The following MSRA variants were observed in gnomAD, a reference collection of about 807,000 sequenced individuals.
MSRA encodes the protein methionine sulfoxide reductase A, also known as mitochondrial peptide methionine sulfoxide reductase.
In MSRA, 54 loss-of-function variants were observed where a neutral mutation model predicts 31.3. The observed-to-expected ratio is 1.73, with a 90% CI of 1.39 to 2.17. The LOEUF is 2.17. MSRA is among the 30% of genes most tolerant of loss of function. The probability of loss-of-function intolerance (pLI) is 0.00; values close to 1 mark genes in which losing one functional copy is unlikely to be tolerated. For synonymous variants in MSRA, 169 were observed against 116.5 expected, an observed-to-expected ratio of 1.45 and a Z score of -2.90; for missense variants, 507 against 300.9, an observed-to-expected ratio of 1.69 and a Z score of -5.07.
At chr8:10,154,209 C>G (rs1188763962) in intron 1 of MSRA, among the ~76,000 whole-genome samples, 2 of 152,200 alleles carry the variant, frequency 1.3e-5, no homozygotes, top group African/African-American at 4.8e-5. Flanking sequence ...GTGTGGTGGA[C>G]ACGCGTGCTT....
intron 1 of MSRA, among the ~76,000 whole-genome samples, chr8:10,188,580 G>C (rs949971187): frequency 6.6e-6 from 1 of 152,186 alleles, no homozygotes; most frequent in Admixed American, 6.5e-5. Context: ...GTTAATTGTC[G>C]TATAAGGTTT....
chr8:10,173,451 G>A (rs1409317944), intron 1 of MSRA, among the ~76,000 whole-genome samples: 1 of 152,228 alleles, frequency 6.6e-6, no homozygotes, highest in Non-Finnish European at 1.5e-5. Flanking sequence ...TCAATAGTTA[G>A]CCTCACCTTG....
intron 1 of MSRA, among the ~76,000 whole-genome samples, chr8:10,179,699 G>C (rs909649174): frequency 6.6e-6 from 1 of 152,214 alleles, no homozygotes; most frequent in African/African-American, 2.4e-5. Flanking sequence ...TTATGTTCCA[G>C]TTCCAAACCT....
chr8:10,144,271 G>A (rs1342935074), intron 1 of MSRA, among the ~76,000 whole-genome samples: 2 of 152,120 alleles, frequency 1.3e-5, no homozygotes, highest in African/African-American at 2.4e-5. Flanking sequence ...GTTAAGCCAT[G>A]CTTGTTAATA....
intron 3 of MSRA, among the ~76,000 whole-genome samples, chr8:10,266,823 C>A (rs945371054): frequency 1.1e-4 from 17 of 152,106 alleles, no homozygotes; most frequent in Non-Finnish European, 1.9e-4. Flanking sequence ...GGTCACTTTA[C>A]CCACCGATGG....
intron 3 of MSRA, among the ~76,000 whole-genome samples, chr8:10,269,793 A>G (rs557686909): frequency 1.3e-5 from 2 of 152,152 alleles, no homozygotes; most frequent in East Asian, 3.9e-4. Context: ...CTGGGACCAC[A>G]TGTGAGTGCC....
chr8:10,252,870 C>T lies in MSRA; in HGVS notation c.331+7647C>T, dbSNP rs552781932. Among the ~76,000 whole-genome samples, 38 of 152,274 alleles carry T rather than the reference C, an allele frequency of 2.5e-4. No homozygotes were observed. The South Asian group carries it at 2.9e-3, about 12-fold the overall frequency. ...ACCATCACATAGGTCCTTCATCCAC[C>T]GGTTCTAAAATTTGAGTGACTCTAT... On this transcript the variant is annotated intron_variant, in intron 3 of 5. Coordinates refer to ENST00000317173, the MANE Select transcript of MSRA (RefSeq NM_012331.5).
intron 3 of MSRA, among the ~76,000 whole-genome samples, chr8:10,259,087 A>G (rs1021458856): frequency 6.6e-6 from 1 of 150,870 alleles, no homozygotes. Context: ...AGCTTGGGTG[A>G]CAGAGACTCT....
At chr8:10,271,429 C>G (rs1288640328) in intron 3 of MSRA, among the ~76,000 whole-genome samples, 7 of 43,424 alleles carry the variant, frequency 1.6e-4, no homozygotes, top group Non-Finnish European at 3.3e-4. Flanking sequence ...GATGTGAGGA[C>G]TAAGGGATGG....
rs1010911348 is a variant in MSRA, at chr8:10,373,075, G to A, written c.543+53086G>A. ...CCAGCTAATTTTTGTATTTTTAGTA[G>A]AGACGAGGTTTTGCCATGTTGGCCA... is the stretch of plus-strand genomic sequence containing the variant. On this transcript the variant is annotated intron_variant, in intron 5 of 5. Coordinates refer to ENST00000317173, the MANE Select transcript of MSRA (RefSeq NM_012331.5). Among the ~76,000 whole-genome samples the A allele has an allele frequency of 3.9e-5, 6 of 152,160 alleles. No homozygotes were observed. In the East Asian group the frequency reaches 9.7e-4, roughly 24 times the overall value.
At chr8:10,243,273 C>T (rs1188539670) in intron 2 of MSRA, among the ~76,000 whole-genome samples, 1 of 152,100 alleles carries the variant, frequency 6.6e-6, no homozygotes, top group African/African-American at 2.4e-5. Context: ...GGTGGGCTGC[C>T]TTCTGCCTGG....
chr8:10,353,420 G>A (rs141665257), intron 5 of MSRA, among the ~76,000 whole-genome samples: 187 of 152,268 alleles, frequency 1.2e-3, no homozygotes, highest in African/African-American at 4.4e-3. Context: ...GACCTGGGAG[G>A]GTCTGGGAGT....
chr8:10,133,578 C>G lies in MSRA; in HGVS notation c.143-74255C>G, dbSNP rs956752345. On this transcript the variant is annotated intron_variant, in intron 1 of 5. Transcript: ENST00000317173. ...CTGCCTACCAGCTGTGTGGCCCTTC[C>G]AGTGTGAACCTGTCCAGACCTGAGT... is the stretch of plus-strand genomic sequence containing the variant. Among the ~76,000 whole-genome samples, 41 of 152,292 alleles carry G rather than the reference C, an allele frequency of 2.7e-4. 1 individual carries two copies. The highest frequency in any genetic ancestry group is 9.9e-4 in the African/African-American group (41 of 41,562).
chr8:10,185,810 T>A (rs1455986521), intron 1 of MSRA, among the ~76,000 whole-genome samples: 1 of 152,172 alleles, frequency 6.6e-6, no homozygotes, highest in African/African-American at 2.4e-5. Context: ...AAGGCTCAAC[T>A]CTAATGCCAG....
At chr8:10,427,381 C>T (rs984622538) in intron 5 of MSRA, among the ~76,000 whole-genome samples, 18 of 152,186 alleles carry the variant, frequency 1.2e-4, no homozygotes, top group Non-Finnish European at 2.2e-4. Flanking sequence ...CTCTCCTTTC[C>T]CAGCTTGTGT....
At chr8:10,371,370 G>A (rs1205451415) in intron 5 of MSRA, among the ~76,000 whole-genome samples, 1 of 152,016 alleles carries the variant, frequency 6.6e-6, no homozygotes, top group Non-Finnish European at 1.5e-5. Flanking sequence ...CCCCAAACCT[G>A]TGCCGGCCGG....
intron 3 of MSRA, among the ~76,000 whole-genome samples, chr8:10,254,037 C>T (rs552865568): frequency 6.6e-6 from 1 of 152,058 alleles, no homozygotes; most frequent in Non-Finnish European, 1.5e-5. Context: ...CTCCGATCTG[C>T]CGGGGACTCC....
At chr8:10,291,188 G>A (rs548040113) in intron 3 of MSRA, among the ~76,000 whole-genome samples, 1 of 152,162 alleles carries the variant, frequency 6.6e-6, no homozygotes. Context: ...ATCCAGTACT[G>A]AGCTGTGTTT....
Position 10,301,619 on chromosome 8 carries a change from G to T in MSRA, c.417G>T (p.Glu139Asp). Residue 139 changes from glutamate to aspartate, a missense_variant, in exon 4 of 6, where the codon GAG (glutamate) becomes GAT (aspartate). Physicochemically the swap from Glu to Asp is conservative, Grantham distance 45. Transcript: ENST00000317173. ...AGGAACTGCTCAAGGTCTTCTGGGA[G>T]AATCACGACCCGACCCAAGGTAGAG... ...SFEELLKVFW[E>D]NHDPTQGMRQ... is the part of the protein sequence containing the mutation. 1.2e-6 allele frequency: 2 copies of T among 1,614,052 alleles called. No homozygotes were observed. The highest frequency in any genetic ancestry group is 1.7e-6 in the Non-Finnish European group (2 of 1,179,962).
Sources: gnomAD v4.1 joint callset for allele counts (sites outside exome capture counted in the v4.1 genomes callset) on GRCh38, gnomAD v4.1.1 for gene constraint, MANE v1.5 for transcripts, NCBI Gene and HGNC (gene_info 2026-07-23, HGNC 2026-07-21) for gene names.